The following GABRG3 variants were observed in gnomAD, a reference collection of about 807,000 sequenced individuals.
GABRG3 encodes the protein gamma-aminobutyric acid receptor subunit gamma-3.
GABRG3 carries 25 observed loss-of-function variants against 48.8 expected under a neutral mutation model. That is an observed-to-expected ratio of 0.51 (90% CI 0.37 to 0.72). The LOEUF is 0.72. Ranked by LOEUF, GABRG3 falls within the 30% of genes least tolerant of loss-of-function variation. The pLI is 0.00. For synonymous variants in GABRG3, 227 were observed against 217.6 expected (o/e 1.04, Z -0.38); for missense variants, 394 against 577.9 (o/e 0.68, Z 3.26).
chr15:27,188,419 C>G (rs1433796908), intron 3 of GABRG3, among the ~76,000 whole-genome samples: 1 of 152,196 alleles, frequency 6.6e-6, no homozygotes, highest in Non-Finnish European at 1.5e-5. Flanking sequence ...GATTGCCATT[C>G]TAACTGGTGT....
rs551525869 is a variant in GABRG3 at position 27,321,857 on chromosome 15, A to G, written c.271-4952A>G. Among the ~76,000 whole-genome samples, 14 of 152,368 alleles carry G rather than the reference A, an allele frequency of 9.2e-5. No individual in the cohort carries two copies. In the East Asian group the frequency reaches 1.9e-3, roughly 21 times the overall value. ...TTACAGATGGATATTGTGAATAAGC[A>G]TAACTTTTCTTCTGTTTTCTTAAAA... is the stretch of plus-strand genomic sequence containing the variant. On this transcript the variant is annotated intron_variant, in intron 3 of 9. Coordinates refer to ENST00000615808, the MANE Select transcript of GABRG3 (RefSeq NM_033223.5).
chr15:27,110,300 T>A (rs1897524174), intron 3 of GABRG3, among the ~76,000 whole-genome samples: 1 of 152,216 alleles, frequency 6.6e-6, no homozygotes, highest in Non-Finnish European at 1.5e-5. Context: ...TAACAGTGTA[T>A]TCCTTATTTC....
intron 3 of GABRG3, among the ~76,000 whole-genome samples, chr15:27,077,912 A>G (rs968922074): frequency 6.6e-6 from 1 of 152,154 alleles, no homozygotes; most frequent in Non-Finnish European, 1.5e-5. Context: ...CAGGGGAGCT[A>G]TTGTGCACCC....
chr15:26,995,541 C>CT (rs34201238), intron 2 of GABRG3, among the ~76,000 whole-genome samples: 45,016 of 145,242 alleles, frequency 0.31, 7,661 homozygotes, highest in South Asian at 0.44. Context: ...CGTTTAATAT[C>CT]TTTTTTTTTT....
chr15:27,381,589 G>A (rs937505867), intron 5 of GABRG3, among the ~76,000 whole-genome samples: 6 of 152,206 alleles, frequency 3.9e-5, no homozygotes, highest in South Asian at 2.1e-4. Context: ...GTCATTCTCC[G>A]TATCCACCTA....
chr15:27,398,272 A>T (rs1887375143), intron 5 of GABRG3, among the ~76,000 whole-genome samples: 1 of 152,228 alleles, frequency 6.6e-6, no homozygotes, highest in African/African-American at 2.4e-5. Context: ...TGATACATAC[A>T]TATTTAAAGA....
chr15:27,413,468 A>G (rs72705751), intron 5 of GABRG3, among the ~76,000 whole-genome samples: 15,097 of 152,284 alleles, frequency 0.099, 832 homozygotes, highest in Non-Finnish European at 0.13. Flanking sequence ...AAGAAAAAGC[A>G]ACGTGTGTGA....
At chr15:27,454,928 A>C (rs1398723642) in intron 5 of GABRG3, among the ~76,000 whole-genome samples, 2 of 152,208 alleles carry the variant, frequency 1.3e-5, no homozygotes, top group African/African-American at 2.4e-5. Flanking sequence ...CTGGCATGTT[A>C]CACGGTCATT....
chr15:27,488,179 A>G (rs538348420), intron 6 of GABRG3, among the ~76,000 whole-genome samples: 1 of 152,266 alleles, frequency 6.6e-6, no homozygotes, highest in Non-Finnish European at 1.5e-5. Flanking sequence ...ATAACTTAGT[A>G]GTCCCTGGGC....
At chr15:27,493,931 AG>A (rs1890419655) in intron 6 of GABRG3, among the ~76,000 whole-genome samples, 1 of 152,282 alleles carries the variant, frequency 6.6e-6, no homozygotes, top group East Asian at 1.9e-4. Context: ...TTTGGATGGA[AG>A]GTTTGAGGGA....
At chr15:27,409,572 A>G (rs1887737765) in intron 5 of GABRG3, among the ~76,000 whole-genome samples, 2 of 152,182 alleles carry the variant, frequency 1.3e-5, no homozygotes, top group African/African-American at 4.8e-5. Flanking sequence ...TAGCTAGTCA[A>G]ATTCCTCTAC....
At position 27,265,881 on chromosome 15, in the gene GABRG3, G is replaced by GTTTTTTTTTTTTTT. The variant is rs147459440; in HGVS notation, c.271-60928_271-60927insTTTTTTTTTTTTTT. Among the ~76,000 whole-genome samples the GTTTTTTTTTTTTTT allele has an allele frequency of 9.9e-4, 124 of 124,830 alleles. 4 individuals carry two copies. The highest frequency in any genetic ancestry group is 9.2e-3 in the East Asian group (42 of 4,580). 81.9% of individuals were successfully genotyped at this position (124,830 alleles called of 152,430 possible). On this transcript the variant is annotated intron_variant, in intron 3 of 9. Coordinates refer to ENST00000615808, the MANE Select transcript of GABRG3 (RefSeq NM_033223.5). ...TGCAAGGTCAAGAAGATTTTCTCCT[G>GTTTTTTTTTTTTTT]GTTTTTTTTTTTTTTTGAGAGTGAC...
chr15:27,252,348 A>G (rs1890485236), intron 3 of GABRG3, among the ~76,000 whole-genome samples: 1 of 152,132 alleles, frequency 6.6e-6, no homozygotes, highest in South Asian at 2.1e-4. Flanking sequence ...CAGGCTGGGC[A>G]GTCCTTCTGT....
intron 3 of GABRG3, among the ~76,000 whole-genome samples, chr15:27,195,827 G>C (rs900551632): frequency 3.9e-5 from 6 of 152,120 alleles, no homozygotes; most frequent in African/African-American, 1.4e-4. Flanking sequence ...TAGAGACGGG[G>C]TTTCACTATT....
In GABRG3 at chr15:27,533,079, C is replaced by G. The variant is rs1891468522; in HGVS notation, c.*198C>G. The G allele has an allele frequency of 1.8e-6, 1 of 550,212 alleles. No individual in the cohort carries two copies. The highest frequency in any genetic ancestry group is 2.5e-5 in the South Asian group (1 of 39,334). 34.1% of individuals were successfully genotyped at this position (550,212 alleles called of 1,614,324 possible). A position where few individuals can be genotyped will look rare whatever the true frequency, so the allele number is the denominator to read the frequency against. On this transcript the variant is annotated 3_prime_UTR_variant, in exon 10 of 10. Coordinates refer to ENST00000615808, the MANE Select transcript of GABRG3 (RefSeq NM_033223.5). ...TTTTACACACACACATACATACACA[C>G]ACACAGCTAATTGAGTTTTAAAGTA...
chr15:27,080,020 C>T (rs1896966808), intron 3 of GABRG3, among the ~76,000 whole-genome samples: 1 of 152,130 alleles, frequency 6.6e-6, no homozygotes, highest in Non-Finnish European at 1.5e-5. Context: ...GGGGAAATGC[C>T]AGCTGATCTG....
chr15:27,245,119 C>A (rs982276400), intron 3 of GABRG3, among the ~76,000 whole-genome samples: 2 of 152,042 alleles, frequency 1.3e-5, no homozygotes, highest in African/African-American at 4.8e-5. Context: ...CTGATGGAGC[C>A]CAGTCCCACA....
At chr15:27,328,625 C>T (rs915201818) in intron 4 of GABRG3, among the ~76,000 whole-genome samples, 181 bp from the exon 5 acceptor site, 3 of 152,222 alleles carry the variant, frequency 2.0e-5, no homozygotes, top group African/African-American at 7.2e-5. Context: ...AACAAAATAA[C>T]CCAACATGAA....
At chr15:27,170,223 G>T (rs937784759) in intron 3 of GABRG3, among the ~76,000 whole-genome samples, 1 of 152,092 alleles carries the variant, frequency 6.6e-6, no homozygotes, top group African/African-American at 2.4e-5. Context: ...AGCAAAAATA[G>T]TTGAGTTTAT....
Sources: gnomAD v4.1 joint callset for allele counts (sites outside exome capture counted in the v4.1 genomes callset) on GRCh38, gnomAD v4.1.1 for gene constraint, MANE v1.5 for transcripts, NCBI Gene and HGNC (gene_info 2026-07-23, HGNC 2026-07-21) for gene names.